The following EGFR variants were observed in gnomAD, a reference collection of about 807,000 sequenced individuals.
EGFR encodes avian erythroblastic leukemia viral (v-erb-b) oncogene homolog.
A neutral mutation model predicts 143.0 loss-of-function variants in EGFR; 58 were observed. That is an observed-to-expected ratio of 0.41 (90% confidence interval 0.33 to 0.50). The LOEUF (loss-of-function observed/expected upper bound fraction) is 0.50, where lower values mean the gene tolerates loss of function less well. Ranked by LOEUF, EGFR falls within the 20% of genes least tolerant of loss-of-function variation. The probability of loss-of-function intolerance (pLI) is 0.39; values close to 1 mark genes in which losing one functional copy is unlikely to be tolerated. For synonymous variants in EGFR, 613 were observed against 594.4 expected (o/e 1.03, Z -0.45); for missense variants, 1,307 against 1,579.0 (o/e 0.83, Z 2.92).
chr7:55,187,696 GAC>G (rs1161969696), intron 20 of EGFR, among the ~76,000 whole-genome samples: 3 of 152,226 alleles, frequency 2.0e-5, no homozygotes, highest in Non-Finnish European at 4.4e-5. Context: ...GGAGTCCAGA[GAC>G]AGGAGCGGAG....
intron 8 of EGFR, 144 bp downstream of exon 8, chr7:55,156,090 G>T: frequency 1.4e-6 from 1 of 732,078 alleles, no homozygotes; most frequent in Non-Finnish European, 2.4e-6. Flanking sequence ...AGATAAAGCT[G>T]TAAAGCTAGG....
At chr7:55,068,036 A>G (rs144354538) in intron 1 of EGFR, among the ~76,000 whole-genome samples, 13 of 149,690 alleles carry the variant, frequency 8.7e-5, no homozygotes, top group Non-Finnish European at 1.8e-4. Flanking sequence ...GTATGTGTAT[A>G]TGTGTATGTG....
chr7:55,198,112 A>G (rs1360040936), intron 22 of EGFR, among the ~76,000 whole-genome samples: 2 of 152,182 alleles, frequency 1.3e-5, no homozygotes, highest in Non-Finnish European at 2.9e-5. Context: ...GAATTTGGCT[A>G]TGAATCCATC....
Position 55,171,181 on chromosome 7 carries a change from T to A in EGFR, c.1887T>A (p.Thr629=), listed in dbSNP as rs2227984. 0.35 allele frequency: 567,905 copies of A among 1,613,896 alleles called. 103,078 individuals are homozygous for A. Among genetic ancestry groups the A allele is most frequent in the East Asian group, 0.6 (26,784 of 44,856 alleles). The change falls in exon 16 of 28, where the codon ACT becomes ACA. Residue 629 remains threonine (T), a synonymous_variant. Coordinates refer to ENST00000275493, the MANE Select transcript of EGFR (RefSeq NM_005228.5). ...LCHPNCTYGC[T]GPGLEGCPTN... ...TCTCTTTCACTTCCTACAGATGCAC[T>A]GGGCCAGGTCTTGAAGGCTGTCCAA... is the stretch of plus-strand genomic sequence containing the variant.
chr7:55,143,526 T>C (rs757872612), intron 3 of EGFR, 38 bp downstream of exon 3: 5 of 1,611,420 alleles, frequency 3.1e-6, no homozygotes, highest in Non-Finnish European at 3.4e-6. Flanking sequence ...GGTTCATAAA[T>C]GCAGACAGCA....
intron 1 of EGFR, among the ~76,000 whole-genome samples, chr7:55,107,172 G>A (rs1254180669): frequency 6.6e-6 from 1 of 152,206 alleles, no homozygotes; most frequent in African/African-American, 2.4e-5. Flanking sequence ...TGTGCATACA[G>A]ACTAGTTAAT....
rs17290315 is a variant in EGFR at position 55,173,314 on chromosome 7, A to G, written c.2061+190A>G. On this transcript the variant is annotated intron_variant, in intron 17 of 27. Transcript: ENST00000275493. ...GGTACATCCATCCGAGGAAATGGCAATGTTTCTAGGCTGCACCCTTCAATG... is the reference window on the plus strand; with the variant it reads ...GGTACATCCATCCGAGGAAATGGCAGTGTTTCTAGGCTGCACCCTTCAATG... 0.012 allele frequency among the ~76,000 whole-genome samples: 1,831 copies of G among 152,354 alleles called. 36 individuals are homozygous for G. Among genetic ancestry groups the G allele is most frequent in the Non-Finnish European group, 0.013 (882 of 68,034 alleles).
intron 16 of EGFR, 121 bp downstream of exon 16, chr7:55,171,334 G>A: frequency 2.8e-6 from 4 of 1,405,732 alleles, no homozygotes; most frequent in East Asian, 2.3e-5. Context: ...TATGGCTCTG[G>A]GCCAGCCTAC....
intron 1 of EGFR, among the ~76,000 whole-genome samples, chr7:55,139,282 C>A (rs1486418434): frequency 6.6e-6 from 1 of 152,154 alleles, no homozygotes; most frequent in African/African-American, 2.4e-5. Context: ...AATTAAAAAC[C>A]TCTTGCTCTT....
chr7:55,036,132 T>A (rs1050772866), intron 1 of EGFR, among the ~76,000 whole-genome samples: 11 of 151,968 alleles, frequency 7.2e-5, no homozygotes, highest in Non-Finnish European at 5.9e-5. Context: ...GAGAGAGAGC[T>A]AAGATAGATA....
intron 22 of EGFR, among the ~76,000 whole-genome samples, chr7:55,196,251 T>A (rs553659847): frequency 3.4e-5 from 5 of 147,358 alleles, no homozygotes; most frequent in African/African-American, 1.0e-4. Flanking sequence ...TGGTTTTGAT[T>A]TTTATTTCTT....
intron 1 of EGFR, among the ~76,000 whole-genome samples, chr7:55,083,856 T>C (rs1322381361): frequency 3.9e-5 from 6 of 152,310 alleles, no homozygotes; most frequent in South Asian, 2.1e-4. Context: ...CTGGGAATGA[T>C]TGGCCAGTTT....
At chr7:55,118,178 GA>G (rs1168593698) in intron 1 of EGFR, among the ~76,000 whole-genome samples, 1 of 152,114 alleles carries the variant, frequency 6.6e-6, no homozygotes, top group Non-Finnish European at 1.5e-5. Context: ...AATTAATGGG[GA>G]CCTCCTGTTG....
Position 55,207,472 on chromosome 7 carries a change from C to A in EGFR, c.*1855C>A, listed in dbSNP as rs1482111793. Reference sequence around the variant, plus strand: ...AAGGAAATGGACTCATAGATGCTAACCTTAAAACAACGTGACAAATGCCAG... The same window carrying A: ...AAGGAAATGGACTCATAGATGCTAAACTTAAAACAACGTGACAAATGCCAG... On this transcript the variant is annotated 3_prime_UTR_variant, in exon 28 of 28. Coordinates refer to ENST00000275493, the MANE Select transcript of EGFR (RefSeq NM_005228.5). 5.3e-6 allele frequency: 1 copy of A among 187,612 alleles called. No individual in the cohort carries two copies. Among genetic ancestry groups the A allele is most frequent in the Non-Finnish European group, 1.1e-5 (1 of 89,090 alleles). The allele number at this position is 187,612 out of a possible 1,614,324, so 11.6% of individuals were successfully genotyped here. A position where few individuals can be genotyped will look rare whatever the true frequency, so the allele number is the denominator to read the frequency against.
chr7:55,127,033 A>C (rs1026000633), intron 1 of EGFR, among the ~76,000 whole-genome samples: 1 of 152,224 alleles, frequency 6.6e-6, no homozygotes, highest in African/African-American at 2.4e-5. Context: ...ACCATTCCCC[A>C]GTGAAAACTA....
At chr7:55,143,644 G>A (rs939726960) in intron 3 of EGFR, among the ~76,000 whole-genome samples, 156 bp downstream of exon 3, 2 of 152,178 alleles carry the variant, frequency 1.3e-5, no homozygotes, top group African/African-American at 2.4e-5. Context: ...AGATACTGCA[G>A]GGGAAGTTAC....
chr7:55,140,118 T>A (rs886781119), intron 1 of EGFR, among the ~76,000 whole-genome samples: 2 of 152,022 alleles, frequency 1.3e-5, no homozygotes, highest in African/African-American at 4.8e-5. Context: ...ACAGTTTTTT[T>A]AAAATACTGT....
Position 55,151,277 on chromosome 7 carries a change from T to G in EGFR, c.560-17T>G. 3 of 1,613,938 alleles carry G rather than the reference T, an allele frequency of 1.9e-6. No homozygotes were observed. The highest frequency in any genetic ancestry group is 2.5e-6 in the Non-Finnish European group (3 of 1,179,814). On this transcript the variant is annotated splice_polypyrimidine_tract_variant and intron_variant, in intron 4 of 27. Coordinates refer to ENST00000275493, the MANE Select transcript of EGFR (RefSeq NM_005228.5). ...ATCATTTCACTGAGATATGCATCTA[T>G]TACTTTTACATTTCAGGCCAAAAGT...
At chr7:55,047,552 C>G (rs1332976418) in intron 1 of EGFR, among the ~76,000 whole-genome samples, 1 of 152,100 alleles carries the variant, frequency 6.6e-6, no homozygotes, top group Non-Finnish European at 1.5e-5. Context: ...GAGTTGGAGA[C>G]CAGCCTGACC....
Sources: gnomAD v4.1 joint callset for allele counts (sites outside exome capture counted in the v4.1 genomes callset) on GRCh38, gnomAD v4.1.1 for gene constraint, MANE v1.5 for transcripts, NCBI Gene and HGNC (gene_info 2026-07-23, HGNC 2026-07-21) for gene names.